The following SMDT1 variants were observed in gnomAD, a reference collection of about 807,000 sequenced individuals.
SMDT1 encodes single-pass membrane protein with aspartate rich tail 1, also known as essential MCU regulator, mitochondrial.
SMDT1 carries 6 observed loss-of-function variants against 5.9 expected under a neutral mutation model. The ratio of observed to expected loss-of-function variants is 1.03; its 90% CI spans 0.56 to 2.02. SMDT1 has a LOEUF of 2.02. Ranked by LOEUF, SMDT1 falls within the 30% of genes most tolerant of loss-of-function variation. SMDT1 has a pLI of 0.00. For missense variants in SMDT1, 159 were observed against 145.6 expected, an observed-to-expected ratio of 1.09 and a Z score of -0.47; for synonymous variants, 81 against 62.4, an observed-to-expected ratio of 1.30 and a Z score of -1.40.
chr22:42,081,049 T>C (rs970068932), intron 1 of SMDT1, among the ~76,000 whole-genome samples: 3 of 152,238 alleles, frequency 2.0e-5, no homozygotes, highest in African/African-American at 7.2e-5. Flanking sequence ...CCCGATTGCC[T>C]GTAGGGATTT....
intron 1 of SMDT1, among the ~76,000 whole-genome samples, chr22:42,080,832 C>A (rs9611731): frequency 1.5e-4 from 23 of 152,240 alleles, no homozygotes; most frequent in Admixed American, 9.8e-4. Flanking sequence ...CCCAATCCAT[C>A]TAAAGTCTTT....
chr22:42,083,440 G>C lies in SMDT1; in HGVS notation c.*325G>C, dbSNP rs1179455847. 1.3e-5 allele frequency: 2 copies of C among 152,166 alleles called. No individual in the cohort carries two copies. Among genetic ancestry groups the C allele is most frequent in the African/African-American group, 4.8e-5 (2 of 41,432 alleles). The allele number at this position is 152,166 out of a possible 1,614,324, so 9.4% of individuals were successfully genotyped here. On this transcript the variant is annotated 3_prime_UTR_variant, in exon 3 of 3. Coordinates refer to ENST00000331479, the MANE Select transcript of SMDT1 (RefSeq NM_033318.5). ...TTGTCTCTGCTGTCCTTTATTTATG[G>C]GAGAAACATAGGCCCAGGCTATCCA...
chr22:42,079,942 C>G lies in SMDT1; in HGVS notation c.174C>G (p.Pro58=), dbSNP rs775019157. 1.2e-6 allele frequency: 2 copies of G among 1,611,898 alleles called. No homozygotes were observed. The highest frequency in any genetic ancestry group is 1.7e-6 in the Non-Finnish European group (2 of 1,178,568). The change falls in exon 1 of 3, where the codon CCC becomes CCG. Residue 58 remains proline (P), a synonymous_variant. Coordinates refer to ENST00000331479, the MANE Select transcript of SMDT1 (RefSeq NM_033318.5). The part of the protein sequence containing the change: ...VIVTRSGAIL[P]KPVKMSFGLL... ...TTACCCGCAGCGGCGCCATTTTGCC[C>G]AAACCGGTGAAAGTGAGTGTCCTCC...
chr22:42,082,429 G>T (rs1048419514), intron 2 of SMDT1, among the ~76,000 whole-genome samples: 1 of 152,132 alleles, frequency 6.6e-6, no homozygotes, highest in Non-Finnish European at 1.5e-5. Flanking sequence ...TCAAACTCCC[G>T]ACCTCAGGTG....
intron 2 of SMDT1, among the ~76,000 whole-genome samples, chr22:42,082,681 C>G (rs191183113): frequency 1.8e-4 from 27 of 152,330 alleles, no homozygotes; most frequent in Admixed American, 1.7e-3. Context: ...AGTTTTCACA[C>G]TCATACCCAC....
At chr22:42,081,310 C>T (rs908621822) in intron 1 of SMDT1, among the ~76,000 whole-genome samples, 1 of 151,890 alleles carries the variant, frequency 6.6e-6, no homozygotes, top group Non-Finnish European at 1.5e-5. Flanking sequence ...GGACTACAGG[C>T]ATGTACCACC....
rs752438036 is a variant in SMDT1 at position 42,079,740 on chromosome 22, G to C, written c.-29G>C. 2.1e-5 allele frequency: 34 copies of C among 1,587,102 alleles called. No homozygotes were observed. Among genetic ancestry groups the C allele is most frequent in the Non-Finnish European group, 2.7e-5 (32 of 1,170,680 alleles). On this transcript the variant is annotated 5_prime_UTR_variant, in exon 1 of 3. Coordinates refer to ENST00000331479, the MANE Select transcript of SMDT1 (RefSeq NM_033318.5). The stretch of plus-strand genomic sequence containing the variant: ...ACGAGGGCTGGGCGGTGGGGTGCGG[G>C]TGCCCGGGTGAGGGGCGGAGCTGGG...
Position 42,083,882 on chromosome 22 carries a change from G to A in SMDT1, c.*767G>A, listed in dbSNP as rs1314642387. 1 of 152,032 alleles carries A rather than the reference G, an allele frequency of 6.6e-6. No individual in the cohort carries two copies. Among genetic ancestry groups the A allele is most frequent in the Non-Finnish European group, 1.5e-5 (1 of 68,008 alleles). The allele number at this position is 152,032 out of a possible 1,614,324, so 9.4% of individuals were successfully genotyped here. A position where few individuals can be genotyped will look rare whatever the true frequency, so the allele number is the denominator to read the frequency against. On this transcript the variant is annotated 3_prime_UTR_variant, in exon 3 of 3. Transcript: ENST00000331479. ...GAAACTAAAAGTATAATCTTCCTTT[G>A]CCCGTCTTCCAGTTGGCCATAAAAA... is the stretch of plus-strand genomic sequence containing the variant.
chr22:42,080,787 C>CGAGA (rs1312562238), intron 1 of SMDT1, among the ~76,000 whole-genome samples: 1 of 152,180 alleles, frequency 6.6e-6, no homozygotes, highest in Non-Finnish European at 1.5e-5. Flanking sequence ...TCTAGGAATA[C>CGAGA]GAGAGAAATG....
intron 1 of SMDT1, among the ~76,000 whole-genome samples, chr22:42,081,011 G>A (rs116489519): frequency 9.1e-4 from 138 of 152,294 alleles, no homozygotes; most frequent in African/African-American, 3.2e-3. Context: ...AGAGCTCACC[G>A]TAGTCTGGCC....
intron 1 of SMDT1, among the ~76,000 whole-genome samples, chr22:42,081,221 A>C (rs942209353): frequency 6.6e-6 from 1 of 151,226 alleles, no homozygotes; most frequent in Non-Finnish European, 1.5e-5. Context: ...GCTGGAGTAC[A>C]GTGGCACAAT....
rs1380276929 is a variant in SMDT1, at chr22:42,079,743, C to T, written c.-26C>T. 6.3e-7 allele frequency: 1 copy of T among 1,588,506 alleles called. No homozygotes were observed. Among genetic ancestry groups the T allele is most frequent in the South Asian group, 1.1e-5 (1 of 89,736 alleles). On this transcript the variant is annotated 5_prime_UTR_variant, in exon 1 of 3. Transcript: ENST00000331479. Reference sequence around the variant, plus strand: ...AGGGCTGGGCGGTGGGGTGCGGGTGCCCGGGTGAGGGGCGGAGCTGGGGGC... The same window carrying T: ...AGGGCTGGGCGGTGGGGTGCGGGTGTCCGGGTGAGGGGCGGAGCTGGGGGC...
chr22:42,082,076 C>A lies in SMDT1; in HGVS notation c.*3+11C>A, dbSNP rs765558925. Reference sequence around the variant, plus strand: ...GATGATGACTAACAGGTAAGACTTGCTTTACCCTAGATGGAGCAGGAAGCA... The same window carrying A: ...GATGATGACTAACAGGTAAGACTTGATTTACCCTAGATGGAGCAGGAAGCA... On this transcript the variant is annotated intron_variant, in intron 2 of 2. Coordinates refer to ENST00000331479, the MANE Select transcript of SMDT1 (RefSeq NM_033318.5). 3.1e-6 allele frequency: 5 copies of A among 1,608,612 alleles called. No individual in the cohort carries two copies. Among genetic ancestry groups the A allele is most frequent in the Non-Finnish European group, 4.2e-6 (5 of 1,180,000 alleles).
In SMDT1 at chr22:42,084,003, C is replaced by T. The variant is rs62238591; in HGVS notation, c.*888C>T. 3,331 of 152,330 alleles carry T rather than the reference C, an allele frequency of 0.022. 60 individuals are homozygous for T. Among genetic ancestry groups the T allele is most frequent in the Non-Finnish European group, 0.035 (2,407 of 68,044 alleles). The allele number at this position is 152,330 out of a possible 1,614,324, so 9.4% of individuals were successfully genotyped here. On this transcript the variant is annotated 3_prime_UTR_variant, in exon 3 of 3. Transcript: ENST00000331479. ...CCTGAGAGGAAGAAATGTAGACAGG[C>T]CTTGTTGGACTTCCCCACTCCATCT...
chr22:42,082,558 C>T (rs541549106), intron 2 of SMDT1, among the ~76,000 whole-genome samples: 21 of 152,328 alleles, frequency 1.4e-4, no homozygotes, highest in African/African-American at 5.1e-4. Flanking sequence ...GAGGACACTC[C>T]TGTTCCTTAG....
rs564888217 is a variant in SMDT1, at chr22:42,079,963, C to A, written c.186+9C>A. 4.4e-6 allele frequency: 7 copies of A among 1,607,466 alleles called. No individual in the cohort carries two copies. Among genetic ancestry groups the A allele is most frequent in the Non-Finnish European group, 5.1e-6 (6 of 1,176,060 alleles). The stretch of plus-strand genomic sequence containing the variant: ...TGCCCAAACCGGTGAAAGTGAGTGT[C>A]CTCCTGGAGACGGGGCGAAGGGGCT... On this transcript the variant is annotated intron_variant, in intron 1 of 2. Coordinates refer to ENST00000331479, the MANE Select transcript of SMDT1 (RefSeq NM_033318.5).
intron 1 of SMDT1, among the ~76,000 whole-genome samples, chr22:42,081,607 C>T (rs762662779): frequency 5.3e-5 from 8 of 151,798 alleles, no homozygotes; most frequent in South Asian, 2.1e-4. Flanking sequence ...ATTACAGGTG[C>T]GCACCACCAT....
intron 1 of SMDT1, among the ~76,000 whole-genome samples, chr22:42,080,765 AATT>A (rs1927719917): frequency 6.6e-6 from 1 of 152,168 alleles, no homozygotes; most frequent in Non-Finnish European, 1.5e-5. Context: ...TTGAAAAAAA[AATT>A]TTTTTAATTC....
intron 2 of SMDT1, among the ~76,000 whole-genome samples, chr22:42,082,714 C>T (rs73421032): frequency 0.045 from 6,863 of 152,252 alleles, 503 homozygotes; most frequent in African/African-American, 0.16. Context: ...GCTCATTGTT[C>T]CTCCCACATG....
Sources: gnomAD v4.1 joint callset for allele counts (sites outside exome capture counted in the v4.1 genomes callset) on GRCh38, gnomAD v4.1.1 for gene constraint, MANE v1.5 for transcripts, NCBI Gene and HGNC (gene_info 2026-07-23, HGNC 2026-07-21) for gene names.